NEK11: variants seen among roughly 807,000 people sequenced by gnomAD.
NEK11 encodes NIMA related kinase 11.
Under a neutral mutation model 80.7 loss-of-function variants are expected in NEK11, and 72 were observed. The observed-to-expected ratio is 0.89, with a 90% CI of 0.74 to 1.08. NEK11 has a LOEUF of 1.08. NEK11 is among the 50% of genes least tolerant of loss of function. The probability of loss-of-function intolerance (pLI) is 0.00; values close to 1 mark genes in which losing one functional copy is unlikely to be tolerated. For missense variants in NEK11, 764 were observed against 763.6 expected (o/e 1.00, Z -0.01); for synonymous variants, 251 against 260.7 (o/e 0.96, Z 0.36).
rs367755857 is a variant in NEK11, at chr3:131,063,678, G to A, written c.171-16745G>A. On this transcript the variant is annotated intron_variant, in intron 3 of 17. Coordinates refer to ENST00000383366, the MANE Select transcript of NEK11 (RefSeq NM_024800.5). ...AAGTTTTGTCTGATGGGGAATACAA[G>A]AGAAGATCTTTAGCAAGAGAGTGAC... is the stretch of plus-strand genomic sequence containing the variant. Among the ~76,000 whole-genome samples, 28 of 152,312 alleles carry A rather than the reference G, an allele frequency of 1.8e-4. 1 individual carries two copies. The South Asian group carries it at 5.2e-3, about 28-fold the overall frequency.
chr3:131,050,587 C>G (rs139346605), intron 3 of NEK11, among the ~76,000 whole-genome samples: 4 of 152,240 alleles, frequency 2.6e-5, no homozygotes, highest in South Asian at 4.1e-4. Context: ...AATGCAGGAA[C>G]CTTTAGTACA....
chr3:131,109,643 A>G (rs1578389552), intron 4 of NEK11, 160 bp from the exon 5 acceptor site: 1 of 711,784 alleles, frequency 1.4e-6, no homozygotes, highest in Non-Finnish European at 2.3e-6. Context: ...GCTCAAAGGA[A>G]CCTGGATAGA....
intron 17 of NEK11, among the ~76,000 whole-genome samples, chr3:131,290,761 A>T (rs1244835355): frequency 6.6e-6 from 1 of 152,196 alleles, no homozygotes; most frequent in Non-Finnish European, 1.5e-5. Context: ...TGGAAAAATC[A>T]AGATCTTCCC....
At chr3:131,104,114 C>T (rs552164503) in intron 4 of NEK11, among the ~76,000 whole-genome samples, 31 of 152,266 alleles carry the variant, frequency 2.0e-4, no homozygotes, top group Non-Finnish European at 3.5e-4. Flanking sequence ...GGCCTCTTCT[C>T]CATAGGATGG....
chr3:131,195,197 AC>A (rs989792093), intron 14 of NEK11, among the ~76,000 whole-genome samples: 1 of 152,136 alleles, frequency 6.6e-6, no homozygotes, highest in African/African-American at 2.4e-5. Flanking sequence ...TGTAGGATAT[AC>A]AACAGAAAAA....
intron 17 of NEK11, among the ~76,000 whole-genome samples, chr3:131,288,452 T>TTTTTTC (rs2096501193): frequency 1.9e-5 from 1 of 53,548 alleles, no homozygotes; most frequent in Non-Finnish European, 4.1e-5. Flanking sequence ...CTTTCTTTCT[T>TTTTTTC]TTTTTTTTTT....
chr3:131,085,074 A>G (rs1024293821), intron 4 of NEK11, among the ~76,000 whole-genome samples: 1 of 152,230 alleles, frequency 6.6e-6, no homozygotes, highest in Non-Finnish European at 1.5e-5. Flanking sequence ...TGATCAAGCC[A>G]TTTAGCCTGT....
chr3:131,121,288 G>T (rs1377279721), intron 5 of NEK11, among the ~76,000 whole-genome samples: 1 of 152,216 alleles, frequency 6.6e-6, no homozygotes, highest in Non-Finnish European at 1.5e-5. Context: ...ACCAGCAGAG[G>T]CTGCAGAACA....
chr3:131,212,084 C>G (rs961669351), intron 14 of NEK11, among the ~76,000 whole-genome samples: 1 of 152,182 alleles, frequency 6.6e-6, no homozygotes, highest in Non-Finnish European at 1.5e-5. Context: ...TCTCTCGTTT[C>G]TCCCCATCTT....
intron 16 of NEK11, among the ~76,000 whole-genome samples, chr3:131,263,836 G>A (rs1001141830): frequency 6.6e-6 from 1 of 152,114 alleles, no homozygotes; most frequent in African/African-American, 2.4e-5. Context: ...CACCAACAGT[G>A]TAAAAGTCCC....
At chr3:131,033,559 A>T (rs183343585) in intron 3 of NEK11, among the ~76,000 whole-genome samples, 3 of 152,326 alleles carry the variant, frequency 2.0e-5, no homozygotes, top group Admixed American at 2.0e-4. Flanking sequence ...CAGATTCATT[A>T]TATACATTTC....
At chr3:131,058,931 C>A (rs779440061) in intron 3 of NEK11, among the ~76,000 whole-genome samples, 1 of 151,956 alleles carries the variant, frequency 6.6e-6, no homozygotes, top group African/African-American at 2.4e-5. Flanking sequence ...TTCCATTTTC[C>A]GTATTAACAA....
chr3:131,215,435 A>T (rs374144015), intron 14 of NEK11, among the ~76,000 whole-genome samples: 17 of 148,462 alleles, frequency 1.1e-4, no homozygotes, highest in African/African-American at 2.0e-4. Flanking sequence ...AAAAATATAT[A>T]AAAAAAAAAG....
chr3:131,185,247 A>G (rs2093551285), intron 14 of NEK11, among the ~76,000 whole-genome samples: 1 of 152,144 alleles, frequency 6.6e-6, no homozygotes, highest in Non-Finnish European at 1.5e-5. Flanking sequence ...AGATAATAGG[A>G]CAGAGTTAGA....
intron 3 of NEK11, among the ~76,000 whole-genome samples, chr3:131,075,491 T>A (rs1001495422): frequency 1.3e-5 from 2 of 152,186 alleles, no homozygotes; most frequent in Non-Finnish European, 2.9e-5. Flanking sequence ...GCCAATTTTT[T>A]AAATAAATAT....
chr3:131,215,757 T>C (rs1000881201), intron 14 of NEK11, among the ~76,000 whole-genome samples: 2 of 152,170 alleles, frequency 1.3e-5, no homozygotes, highest in Non-Finnish European at 2.9e-5. Context: ...GCCTTCTCTT[T>C]GCAGAGGTGG....
At chr3:131,211,791 G>A (rs1233962967) in intron 14 of NEK11, among the ~76,000 whole-genome samples, 1 of 152,120 alleles carries the variant, frequency 6.6e-6, no homozygotes, top group Non-Finnish European at 1.5e-5. Context: ...GCGTCACGTA[G>A]TTCTTGTGCC....
At chr3:131,196,488 A>G (rs955564164) in intron 14 of NEK11, among the ~76,000 whole-genome samples, 6 of 152,194 alleles carry the variant, frequency 3.9e-5, no homozygotes, top group African/African-American at 1.4e-4. Flanking sequence ...CAGAAGTCAT[A>G]AAAGACTTAC....
rs184678774 is a variant in NEK11, at chr3:131,096,958, T to C, written c.337-12845T>C. On this transcript the variant is annotated intron_variant, in intron 4 of 17. Transcript: ENST00000383366. ...TGTCCATGTGTTCTCATTGTTCAAT[T>C]CCCACCTATGAGTGAGAACATGCGG... Among the ~76,000 whole-genome samples the C allele has an allele frequency of 3.4e-3, 506 of 147,226 alleles. 2 individuals carry two copies. Among genetic ancestry groups the C allele is most frequent in the African/African-American group, 0.012 (464 of 39,748 alleles).
Sources: allele counts gnomAD v4.1 joint callset (sites outside exome capture counted in the v4.1 genomes callset), GRCh38; gene constraint gnomAD v4.1.1; transcripts MANE v1.5; gene names NCBI Gene and HGNC (gene_info 2026-07-23, HGNC 2026-07-21).